TENM3: variants seen among roughly 807,000 people sequenced by gnomAD.
The protein encoded by TENM3 is teneurin-3.
A neutral mutation model predicts 255.1 loss-of-function variants in TENM3; 63 were observed. The ratio of observed to expected loss-of-function variants is 0.25; its 90% CI spans 0.20 to 0.30. TENM3 has a LOEUF of 0.30. Ranked by LOEUF, TENM3 falls within the 10% of genes least tolerant of loss-of-function variation. The pLI is 1.00. For synonymous variants in TENM3, 1,306 were observed against 1,322.3 expected, an observed-to-expected ratio of 0.99 and a Z score of 0.27; for missense variants, 2,929 against 3,461.1, an observed-to-expected ratio of 0.85 and a Z score of 3.86.
At chr4:182,174,918 AAGTATTG>A (rs1752360453) in intron 1 of TENM3, among the ~76,000 whole-genome samples, 1 of 149,422 alleles carries the variant, frequency 6.7e-6, no homozygotes. Flanking sequence ...GTTTTATTAC[AAGTATTG>A]ATATTTTCAT....
chr4:182,626,196 G>A (rs1184786780), intron 4 of TENM3, among the ~76,000 whole-genome samples: 1 of 152,148 alleles, frequency 6.6e-6, no homozygotes, highest in African/African-American at 2.4e-5. Flanking sequence ...GTTTGCTGAT[G>A]CCTGATCTAA....
the TENM3 span, among the ~76,000 whole-genome samples, chr4:181,448,327 A>G: frequency 1.9e-3 from 232 of 125,316 alleles, 4 homozygotes; most frequent in East Asian, 6.4e-3. Context: ...GCCCACCACT[A>G]CGCCCGGCTA....
the TENM3 span, among the ~76,000 whole-genome samples, chr4:182,067,933 G>T: frequency 6.6e-6 from 1 of 151,774 alleles, no homozygotes; most frequent in Non-Finnish European, 1.5e-5. Flanking sequence ...AGCTGTAATT[G>T]TTTGCATTGC....
chr4:182,610,560 A>G (rs1383131694), intron 4 of TENM3, among the ~76,000 whole-genome samples: 3 of 152,016 alleles, frequency 2.0e-5, no homozygotes, highest in South Asian at 2.1e-4. Flanking sequence ...GCATGTGCCT[A>G]TAGCCCTAGC....
At chr4:181,702,211 T>C in the TENM3 span, among the ~76,000 whole-genome samples, 6 of 152,338 alleles carry the variant, frequency 3.9e-5, no homozygotes, top group African/African-American at 1.4e-4. Flanking sequence ...CTGAGGCTTC[T>C]GGTCCTCGCT....
the TENM3 span, among the ~76,000 whole-genome samples, chr4:181,458,080 T>G: frequency 1.3e-5 from 2 of 151,964 alleles, no homozygotes; most frequent in Non-Finnish European, 2.9e-5. Context: ...GTAATTCCTA[T>G]TGTACCGCAA....
At chr4:181,693,275 T>C in the TENM3 span, among the ~76,000 whole-genome samples, 1 of 152,234 alleles carries the variant, frequency 6.6e-6, no homozygotes, top group African/African-American at 2.4e-5. Flanking sequence ...TTGTGCCTAT[T>C]GGATTAAAAT....
chr4:182,403,861 G>A lies in TENM3; in HGVS notation c.511+56932G>A, dbSNP rs561701827. ...AGCCTTCTAAGTAGCTGGGACCACA[G>A]GCGTGTGCCACCACACCCAGCTAAT... On this transcript the variant is annotated intron_variant, in intron 3 of 27. Coordinates refer to ENST00000511685, the MANE Select transcript of TENM3 (RefSeq NM_001080477.4). Among the ~76,000 whole-genome samples the A allele has an allele frequency of 2.6e-5, 4 of 152,204 alleles. No homozygotes were observed. In the South Asian group the frequency reaches 6.2e-4, roughly 24 times the overall value.
chr4:182,269,338 A>G (rs1386765837), intron 1 of TENM3, among the ~76,000 whole-genome samples: 4 of 152,238 alleles, frequency 2.6e-5, no homozygotes, highest in African/African-American at 9.6e-5. Context: ...GAAAAATCAT[A>G]GAGGAAGGAG....
At chr4:182,721,255 C>T (rs982256703) in intron 13 of TENM3, among the ~76,000 whole-genome samples, 1 of 152,208 alleles carries the variant, frequency 6.6e-6, no homozygotes, top group Non-Finnish European at 1.5e-5. Flanking sequence ...ATACTACACT[C>T]TCATTGTCAG....
In TENM3 at chr4:182,422,492, A is replaced by G. The variant is rs576581712; in HGVS notation, c.511+75563A>G. On this transcript the variant is annotated intron_variant, in intron 3 of 27. Transcript: ENST00000511685. ...GATTTCTTTTCAGTTCAGACTGTTC[A>G]AGAATGCCTCACGTGCAGGCTGCAA... Among the ~76,000 whole-genome samples the G allele has an allele frequency of 8.2e-4, 125 of 152,342 alleles. 1 individual carries two copies. The highest frequency in any genetic ancestry group is 2.8e-3 in the African/African-American group (116 of 41,582).
the TENM3 span, among the ~76,000 whole-genome samples, chr4:181,769,260 A>C: frequency 3.3e-5 from 5 of 152,222 alleles, no homozygotes; most frequent in African/African-American, 1.2e-4. Flanking sequence ...GTCACTAACA[A>C]ATGGTATATT....
chr4:181,950,468 C>T, the TENM3 span, among the ~76,000 whole-genome samples: 8 of 152,138 alleles, frequency 5.3e-5, no homozygotes, highest in Non-Finnish European at 2.9e-5. Context: ...TAGTTTGCTC[C>T]ATTGCATATT....
At chr4:182,676,970 G>C (rs78979731) in intron 7 of TENM3, among the ~76,000 whole-genome samples, 1 of 151,990 alleles carries the variant, frequency 6.6e-6, no homozygotes, top group African/African-American at 2.4e-5. Flanking sequence ...TTCCTAAAAA[G>C]AGCATAAGGT....
At chr4:181,669,801 T>C in the TENM3 span, among the ~76,000 whole-genome samples, 2 of 152,176 alleles carry the variant, frequency 1.3e-5, no homozygotes, top group African/African-American at 2.4e-5. Flanking sequence ...GCCCACTCTG[T>C]TTAAGAATGT....
the TENM3 span, among the ~76,000 whole-genome samples, chr4:181,899,584 T>G: frequency 6.6e-6 from 1 of 152,148 alleles, no homozygotes; most frequent in African/African-American, 2.4e-5. Flanking sequence ...TGGGGTTTTT[T>G]TTGAGACAGA....
At chr4:182,520,630 T>G (rs1738474621) in intron 3 of TENM3, among the ~76,000 whole-genome samples, 1 of 152,230 alleles carries the variant, frequency 6.6e-6, no homozygotes, top group Admixed American at 6.5e-5. Flanking sequence ...GGCTGCTGCT[T>G]TTATGGTACA....
At chr4:182,282,521 C>T (rs576858994) in intron 1 of TENM3, among the ~76,000 whole-genome samples, 2 of 152,030 alleles carry the variant, frequency 1.3e-5, no homozygotes, top group Non-Finnish European at 2.9e-5. Context: ...AAAGTAAGTG[C>T]GGAGTACCAA....
chr4:182,332,349 A>G (rs576225281), intron 2 of TENM3, among the ~76,000 whole-genome samples: 2 of 152,320 alleles, frequency 1.3e-5, no homozygotes, highest in East Asian at 3.9e-4. Context: ...AAACATTGTG[A>G]AGAAATCAGG....
Sources: gnomAD v4.1 joint callset for allele counts (sites outside exome capture counted in the v4.1 genomes callset) on GRCh38, gnomAD v4.1.1 for gene constraint, MANE v1.5 for transcripts, NCBI Gene and HGNC (gene_info 2026-07-23, HGNC 2026-07-21) for gene names.